The following GLIS3 variants were observed in gnomAD, a reference collection of about 807,000 sequenced individuals.
The protein encoded by GLIS3 is GLIS family zinc finger 3, also known as zinc finger protein GLIS3.
Under a neutral mutation model 78.6 loss-of-function variants are expected in GLIS3, and 53 were observed. The observed-to-expected ratio is 0.67, with a 90% CI of 0.54 to 0.85. The LOEUF is 0.85. GLIS3 is among the 40% of genes least tolerant of loss of function. The pLI, the probability that GLIS3 is intolerant of heterozygous loss-of-function variation, is 0.00. For synonymous variants in GLIS3, 684 were observed against 509.9 expected (o/e 1.34, Z -4.60); for missense variants, 1,703 against 1,231.1 (o/e 1.38, Z -5.74).
chr9:4,465,939 A>C, the GLIS3 span, among the ~76,000 whole-genome samples: 1 of 152,218 alleles, frequency 6.6e-6, no homozygotes, highest in African/African-American at 2.4e-5. Context: ...AGAGTAAAAG[A>C]TCACAGAGAT....
chr9:4,032,020 C>G (rs970103492), intron 4 of GLIS3, among the ~76,000 whole-genome samples: 1 of 152,070 alleles, frequency 6.6e-6, no homozygotes, highest in Non-Finnish European at 1.5e-5. Context: ...CCAGGAGGTC[C>G]TTTTAGCCTA....
chr9:4,050,966 T>C (rs1269448518), intron 4 of GLIS3, among the ~76,000 whole-genome samples: 1 of 152,218 alleles, frequency 6.6e-6, no homozygotes. Context: ...CAAAGATTTA[T>C]TTTTCCTCCT....
At chr9:4,050,422 G>A (rs1028514591) in intron 4 of GLIS3, among the ~76,000 whole-genome samples, 1 of 152,032 alleles carries the variant, frequency 6.6e-6, no homozygotes, top group African/African-American at 2.4e-5. Flanking sequence ...ACAGGGCGGG[G>A]AACATCACAC....
chr9:4,009,215 C>G (rs1016869907), intron 4 of GLIS3, among the ~76,000 whole-genome samples: 2 of 152,216 alleles, frequency 1.3e-5, no homozygotes, highest in African/African-American at 4.8e-5. Context: ...AAATTGCTCA[C>G]ACGGAGCATG....
intron 4 of GLIS3, among the ~76,000 whole-genome samples, chr9:3,949,515 C>T (rs1253817418): frequency 6.6e-6 from 1 of 152,172 alleles, no homozygotes; most frequent in Admixed American, 6.5e-5. Flanking sequence ...AAATATCTTA[C>T]AGCGAGATCC....
At chr9:4,391,084 C>G in the GLIS3 span, among the ~76,000 whole-genome samples, 2,554 of 152,172 alleles carry the variant, frequency 0.017, 73 homozygotes, top group African/African-American at 0.058. Flanking sequence ...CTATCTCTGC[C>G]CACCATCGCT....
intron 2 of GLIS3, among the ~76,000 whole-genome samples, chr9:4,149,992 A>G (rs1043232519): frequency 6.6e-5 from 10 of 152,242 alleles, no homozygotes; most frequent in South Asian, 2.1e-4. Flanking sequence ...TCATACGGAT[A>G]TATGTTAGGA....
At chr9:3,850,832 T>C (rs553261667) in intron 9 of GLIS3, among the ~76,000 whole-genome samples, 19 of 152,336 alleles carry the variant, frequency 1.2e-4, no homozygotes, top group African/African-American at 4.1e-4. Context: ...CGTTCTCACC[T>C]GTGCTCTTTG....
intron 4 of GLIS3, among the ~76,000 whole-genome samples, chr9:4,052,979 G>T (rs182367386): frequency 1.3e-5 from 2 of 151,996 alleles, no homozygotes; most frequent in East Asian, 3.9e-4. Flanking sequence ...AAAGAGTCTC[G>T]CTGTGTTGCC....
At chr9:4,217,811 C>T (rs911487) in intron 2 of GLIS3, among the ~76,000 whole-genome samples, 136,389 of 152,252 alleles carry the variant, frequency 0.9, 61,268 homozygotes, top group Non-Finnish European at 0.93. Flanking sequence ...AAAATTAAAA[C>T]AAACAAAGGG....
chr9:4,025,442 G>C (rs1051564263), intron 4 of GLIS3, among the ~76,000 whole-genome samples: 11 of 152,132 alleles, frequency 7.2e-5, no homozygotes, highest in South Asian at 4.2e-4. Flanking sequence ...GGCTGGAGTG[G>C]GGTGGCGTGA....
rs904928427 is a variant in GLIS3, at chr9:4,058,089, T to C, written c.1710+59679A>G. On this transcript the variant is annotated intron_variant, in intron 4 of 10. Transcript: ENST00000381971. ...GACAAAGAGAACATCCCCTGATGCA[T>C]GGATTGTACCAAATCACAAATGTAC... Among the ~76,000 whole-genome samples, 3 of 152,332 alleles carry C rather than the reference T, an allele frequency of 2.0e-5. No homozygotes were observed. In the South Asian group the frequency reaches 6.2e-4, roughly 32 times the overall value.
chr9:3,873,672 TAAAG>T (rs140815017), intron 8 of GLIS3, among the ~76,000 whole-genome samples: 2,758 of 148,146 alleles, frequency 0.019, 90 homozygotes, highest in African/African-American at 0.066. Context: ...AGATAAAAAA[TAAAG>T]AAAATAAAGT....
the GLIS3 span, among the ~76,000 whole-genome samples, chr9:4,387,810 T>C: frequency 6.6e-6 from 1 of 152,230 alleles, no homozygotes; most frequent in Non-Finnish European, 1.5e-5. Context: ...AATTCTATTA[T>C]TTAACATAAC....
the GLIS3 span, among the ~76,000 whole-genome samples, chr9:4,465,362 A>G: frequency 1.3e-5 from 2 of 152,252 alleles, no homozygotes; most frequent in Non-Finnish European, 2.9e-5. Flanking sequence ...AGCCTGGCCA[A>G]CGTGGTGAAA....
At chr9:4,142,522 T>A (rs999689145) in intron 2 of GLIS3, among the ~76,000 whole-genome samples, 3 of 152,202 alleles carry the variant, frequency 2.0e-5, no homozygotes, top group African/African-American at 7.2e-5. Flanking sequence ...TGCCAGGATG[T>A]GGTCTCCTGT....
chr9:4,267,594 T>C (rs1481312521), intron 2 of GLIS3, among the ~76,000 whole-genome samples: 2 of 152,228 alleles, frequency 1.3e-5, no homozygotes, highest in East Asian at 1.9e-4. Flanking sequence ...CTACCAAGTC[T>C]ATGTCTGGCA....
chr9:4,447,926 A>AT, the GLIS3 span, among the ~76,000 whole-genome samples: 4 of 151,554 alleles, frequency 2.6e-5, no homozygotes, highest in Non-Finnish European at 4.4e-5. Flanking sequence ...TTCTATTTTT[A>AT]TTTTTTCTAA....
rs1384332354 is a variant in GLIS3, at chr9:4,082,741, G to A, written c.1710+35027C>T. ...TCTTATCTAACATTCTACAAACACT[G>A]CTTTGTAACTCTCCACTCTTTACTT... On this transcript the variant is annotated intron_variant, in intron 4 of 10. Coordinates refer to ENST00000381971, the MANE Select transcript of GLIS3 (RefSeq NM_001042413.2). Among the ~76,000 whole-genome samples, 4 of 152,228 alleles carry A rather than the reference G, an allele frequency of 2.6e-5. 1 individual carries two copies. The highest frequency in any genetic ancestry group is 4.2e-4 in the South Asian group (2 of 4,818).
Sources: allele counts gnomAD v4.1 joint callset (sites outside exome capture counted in the v4.1 genomes callset), GRCh38; gene constraint gnomAD v4.1.1; transcripts MANE v1.5; gene names NCBI Gene and HGNC (gene_info 2026-07-23, HGNC 2026-07-21).